Variants in MARF1 observed in about 807,000 individuals in gnomAD.
The protein encoded by MARF1 is limkain-b1.
MARF1 carries 24 observed loss-of-function variants against 168.2 expected under a neutral mutation model. The observed-to-expected ratio is 0.14, with a 90% CI of 0.10 to 0.20. The LOEUF (loss-of-function observed/expected upper bound fraction) is 0.20, where lower values mean the gene tolerates loss of function less well. Among genes scored for constraint, MARF1 ranks in the 10% least tolerant of loss-of-function variants. The pLI is 1.00. For synonymous variants in MARF1, 868 were observed against 822.4 expected (o/e 1.06, Z -0.95); for missense variants, 1,744 against 2,143.6 (o/e 0.81, Z 3.68).
rs200421705 is a variant in MARF1, at chr16:15,617,245, T to A, written c.2957+54A>T. 6.0e-4 allele frequency: 964 copies of A among 1,609,762 alleles called. 1 individual carries two copies. The highest frequency in any genetic ancestry group is 7.9e-4 in the Non-Finnish European group (929 of 1,176,728). ...AGATGTTCACAAGGTCATCCTAACA[T>A]GTTCCACAATCTTATAGAAAAGAAT... is the stretch of plus-strand genomic sequence containing the variant. On this transcript the variant is annotated intron_variant, in intron 14 of 26. Coordinates refer to ENST00000396368, the MANE Select transcript of MARF1 (RefSeq NM_014647.4).
chr16:15,637,422 G>C (rs1253167954), intron 2 of MARF1, among the ~76,000 whole-genome samples: 1 of 152,202 alleles, frequency 6.6e-6, no homozygotes, highest in African/African-American at 2.4e-5. Flanking sequence ...TGGGAGCATA[G>C]GCTCATCTGG....
At chr16:15,620,417 C>T in intron 13 of MARF1, 34 bp downstream of exon 13, 2 of 1,396,038 alleles carry the variant, frequency 1.4e-6, no homozygotes, top group South Asian at 1.2e-5. Context: ...CCAATCAGTA[C>T]TGACTGGATA....
chr16:15,610,788 G>T (rs2033462498), intron 19 of MARF1, among the ~76,000 whole-genome samples, 187 bp downstream of exon 19: 1 of 152,134 alleles, frequency 6.6e-6, no homozygotes, highest in Non-Finnish European at 1.5e-5. Context: ...GCCTGCTTTT[G>T]TTCTTGAGAA....
At chr16:15,611,446 CAAAAAAAA>C (rs995305393) in intron 18 of MARF1, 138 bp downstream of exon 18, 2 of 422,412 alleles carry the variant, frequency 4.7e-6, no homozygotes, top group Non-Finnish European at 7.7e-6. Context: ...GACTCCGTCT[CAAAAAAAA>C]AAAAAAAAAA....
intron 1 of MARF1, among the ~76,000 whole-genome samples, chr16:15,641,830 T>C (rs185938475): frequency 2.7e-4 from 41 of 152,324 alleles, no homozygotes; most frequent in African/African-American, 9.4e-4. Context: ...AAGTAAAAAC[T>C]TTCAGGTGCC....
At position 15,612,763 on chromosome 16, in the gene MARF1, G is replaced by A. The variant is rs1391905973; in HGVS notation, c.3268C>T (p.Arg1090Cys). The A allele has an allele frequency of 3.1e-6, 5 of 1,613,728 alleles. No individual in the cohort carries two copies. Among genetic ancestry groups the A allele is most frequent in the African/African-American group, 1.3e-5 (1 of 74,898 alleles). ...GGGTTACCTACAGGACTCTTCGAAC[G>A]CAGAAGCCAAGGGTCTAGAAGAAAA... ...PPPNTDPWLL[R>C]SKSPVGNPQL... The change falls in exon 17 of 27, where the codon CGT becomes TGT. Residue 1090 changes from arginine to cysteine, a missense_variant. Physicochemically the swap from Arg to Cys is radical, Grantham distance 180. Transcript: ENST00000396368.
Position 15,642,033 on chromosome 16 carries a change from C to T in MARF1, c.-59+985G>A, listed in dbSNP as rs2036016201. On this transcript the variant is annotated intron_variant, in intron 1 of 26. Coordinates refer to ENST00000396368, the MANE Select transcript of MARF1 (RefSeq NM_014647.4). ...AATTTGACTGCGGTGCAGCTTTGGA[C>T]AACTCACAACCTCTCTGAACCTCAG... Among the ~76,000 whole-genome samples the T allele has an allele frequency of 2.0e-5, 3 of 152,184 alleles. No individual in the cohort carries two copies. The South Asian group carries it at 6.2e-4, about 32-fold the overall frequency.
At chr16:15,624,684 T>C (rs2034711598) in intron 10 of MARF1, 85 bp downstream of exon 10, 2 of 1,308,078 alleles carry the variant, frequency 1.5e-6, no homozygotes, top group East Asian at 4.6e-5. Flanking sequence ...TTCAGTACTA[T>C]CTGAATTCTT....
intron 10 of MARF1, among the ~76,000 whole-genome samples, chr16:15,623,847 C>T (rs1009585347): frequency 1.3e-5 from 2 of 151,872 alleles, no homozygotes; most frequent in Non-Finnish European, 2.9e-5. Flanking sequence ...GTTCTTTCTG[C>T]ACATAAGGAA....
intron 16 of MARF1, among the ~76,000 whole-genome samples, chr16:15,614,918 G>A (rs948622590): frequency 6.6e-6 from 1 of 152,112 alleles, no homozygotes; most frequent in African/African-American, 2.4e-5. Context: ...CCGAGTAGCT[G>A]GGATTACAGG....
At chr16:15,608,094 T>A (rs934858602) in intron 21 of MARF1, among the ~76,000 whole-genome samples, 197 bp downstream of exon 21, 3 of 151,916 alleles carry the variant, frequency 2.0e-5, no homozygotes, top group Non-Finnish European at 4.4e-5. Flanking sequence ...AGACCAAAAC[T>A]CTCAACTTCC....
chr16:15,619,246 C>T (rs1389061005), intron 13 of MARF1, among the ~76,000 whole-genome samples: 3 of 152,250 alleles, frequency 2.0e-5, no homozygotes, highest in Admixed American at 6.5e-5. Context: ...CCCTGCACTA[C>T]ACCCTGGGTG....
At position 15,623,105 on chromosome 16, in the gene MARF1, A is replaced by G. The variant is rs1308828578; in HGVS notation, c.2289T>C (p.Leu763=). 6.2e-7 allele frequency: 1 copy of G among 1,601,744 alleles called. No homozygotes were observed. The highest frequency in any genetic ancestry group is 8.5e-7 in the Non-Finnish European group (1 of 1,169,860). The change falls in exon 11 of 27, where the codon CTT becomes CTC. Residue 763 remains leucine, a synonymous_variant. Coordinates refer to ENST00000396368, the MANE Select transcript of MARF1 (RefSeq NM_014647.4). The part of the protein sequence containing the change: ...SWSSRSMSPN[L]LNRASPLAFN... The stretch of plus-strand genomic sequence containing the variant: ...AAGCAAGCGGGGATGCTCTGTTTAA[A>G]AGGTTTGGAGACATACTCCTGCTTA...
chr16:15,639,035 C>G, intron 2 of MARF1, 55 bp downstream of exon 2: 1 of 1,551,530 alleles, frequency 6.4e-7, no homozygotes, highest in Non-Finnish European at 8.8e-7. Context: ...AAATGGACCT[C>G]TCTCATCTAT....
intron 5 of MARF1, among the ~76,000 whole-genome samples, chr16:15,632,448 G>C (rs2035312804): frequency 6.6e-6 from 1 of 152,186 alleles, no homozygotes; most frequent in South Asian, 2.1e-4. Context: ...GCAGAAAAGA[G>C]AGATAAGGAA....
rs867917171 is a variant in MARF1 at position 15,633,479 on chromosome 16, G to C, written c.1233+138C>G. 4 of 620,640 alleles carry C rather than the reference G, an allele frequency of 6.4e-6. No homozygotes were observed. In the African/African-American group the frequency reaches 7.4e-5, roughly 12 times the overall value. The allele number at this position is 620,640 out of a possible 1,614,324, so 38.4% of individuals were successfully genotyped here. ...GAGGATCACTGGGGTCCCAGGGTTC[G>C]AGGCTGCAGGGAGCCATGAATGCGT... On this transcript the variant is annotated intron_variant, in intron 5 of 26. Transcript: ENST00000396368.
chr16:15,609,860 A>G (rs779314448), intron 19 of MARF1, 135 bp from the exon 20 acceptor site: 72 of 709,808 alleles, frequency 1.0e-4, no homozygotes, highest in Non-Finnish European at 2.9e-5. Flanking sequence ...ACAACCTAAA[A>G]CAAACACATA....
chr16:15,634,192 G>A (rs1057207527), intron 4 of MARF1, among the ~76,000 whole-genome samples: 1 of 152,162 alleles, frequency 6.6e-6, no homozygotes, highest in African/African-American at 2.4e-5. Flanking sequence ...TCCAGGACCC[G>A]ACTTTCAAGC....
intron 20 of MARF1, chr16:15,608,886 C>T: frequency 4.1e-6 from 1 of 241,960 alleles, no homozygotes; most frequent in Non-Finnish European, 8.0e-6. Flanking sequence ...ACCTCATGTA[C>T]TCAGACCTAC....
Sources: gnomAD v4.1 joint callset for allele counts (sites outside exome capture counted in the v4.1 genomes callset) on GRCh38, gnomAD v4.1.1 for gene constraint, MANE v1.5 for transcripts, NCBI Gene and HGNC (gene_info 2026-07-23, HGNC 2026-07-21) for gene names.